Variants in SKIC3 observed in about 807,000 individuals in gnomAD.
SKIC3 encodes superkiller complex protein 3.
At chr5:95,464,919 G>C in the SKIC3 span, among the ~76,000 whole-genome samples, 1 of 127,672 alleles carries the variant, frequency 7.8e-6, no homozygotes, top group South Asian at 2.6e-4. Flanking sequence ...CCAACATTCT[G>C]ATTGCTTTTT....
At chr5:95,516,147 T>C in the SKIC3 span, among the ~76,000 whole-genome samples, 1 of 152,134 alleles carries the variant, frequency 6.6e-6, no homozygotes, top group East Asian at 1.9e-4. Context: ...CAGAAGTTTC[T>C]TGAAGGTCAT....
the SKIC3 span, among the ~76,000 whole-genome samples, chr5:95,515,685 C>T: frequency 6.6e-6 from 1 of 152,002 alleles, no homozygotes; most frequent in Non-Finnish European, 1.5e-5. Context: ...TTACAATTTT[C>T]TAAATCCAGT....
At chr5:95,469,793 T>G in the SKIC3 span, 12 of 1,614,014 alleles carry the variant, frequency 7.4e-6, no homozygotes, top group Non-Finnish European at 9.3e-6. Flanking sequence ...GCCCCCATTT[T>G]GCGTTTGAAT....
the SKIC3 span, chr5:95,469,644 G>T: frequency 8.3e-7 from 1 of 1,206,682 alleles, no homozygotes; most frequent in African/African-American, 1.5e-5. Flanking sequence ...AGTAGATACA[G>T]ATATATAAAT....
the SKIC3 span, among the ~76,000 whole-genome samples, chr5:95,475,838 A>T: frequency 6.6e-6 from 1 of 152,210 alleles, no homozygotes; most frequent in East Asian, 1.9e-4. Context: ...TAGCTAGTGC[A>T]TAAGAGTAAC....
chr5:95,538,867 G>C, the SKIC3 span, among the ~76,000 whole-genome samples: 1 of 152,130 alleles, frequency 6.6e-6, no homozygotes, highest in African/African-American at 2.4e-5. Flanking sequence ...AGTACTCTTA[G>C]TTCAGAAGTG....
the SKIC3 span, among the ~76,000 whole-genome samples, chr5:95,471,569 C>T: frequency 6.6e-6 from 1 of 151,716 alleles, no homozygotes; most frequent in South Asian, 2.1e-4. Flanking sequence ...TCAGTCTTTG[C>T]TGAAAAGTAA....
the SKIC3 span, chr5:95,520,754 G>A: frequency 1.3e-4 from 209 of 1,611,578 alleles, no homozygotes; most frequent in Middle Eastern, 1.0e-3. Flanking sequence ...TGTAGTCTAC[G>A]GCTTTTCCAT....
chr5:95,552,334 C>T, the SKIC3 span, among the ~76,000 whole-genome samples: 3 of 152,160 alleles, frequency 2.0e-5, no homozygotes, highest in Admixed American at 1.3e-4. Context: ...TACTCAACTG[C>T]AACTTAACAA....
chr5:95,481,504 A>G, the SKIC3 span, among the ~76,000 whole-genome samples: 1 of 152,154 alleles, frequency 6.6e-6, no homozygotes, highest in African/African-American at 2.4e-5. Context: ...GTGTGAAAAT[A>G]GACTAATACA....
At chr5:95,494,910 T>G in the SKIC3 span, 1 of 1,597,166 alleles carries the variant, frequency 6.3e-7, no homozygotes, top group Non-Finnish European at 8.6e-7. Context: ...TATTATTCCT[T>G]CATCAATATT....
chr5:95,473,204 A>C, the SKIC3 span, among the ~76,000 whole-genome samples: 1 of 152,184 alleles, frequency 6.6e-6, no homozygotes, highest in African/African-American at 2.4e-5. Context: ...GAACTAATTT[A>C]CATCTCCACC....
At chr5:95,533,944 A>C in the SKIC3 span, among the ~76,000 whole-genome samples, 2 of 152,206 alleles carry the variant, frequency 1.3e-5, no homozygotes, top group African/African-American at 4.8e-5. Context: ...AAGAATTTTC[A>C]AAGTATTCAC....
At chr5:95,535,640 GA>G in the SKIC3 span, among the ~76,000 whole-genome samples, 85 of 141,126 alleles carry the variant, frequency 6.0e-4, no homozygotes, top group Non-Finnish European at 4.8e-4. Flanking sequence ...CAGACACCAG[GA>G]AAAAAAAAAA....
chr5:95,515,854 C>A, the SKIC3 span, among the ~76,000 whole-genome samples: 1 of 152,070 alleles, frequency 6.6e-6, no homozygotes. Context: ...CTCCCAGTCA[C>A]TTTAGTTCTA....
At chr5:95,497,279 A>G in the SKIC3 span, 1 of 846,190 alleles carries the variant, frequency 1.2e-6, no homozygotes, top group Admixed American at 2.1e-5. Context: ...TGACTAATGG[A>G]AAATTTAGTT....
chr5:95,529,931 G>C, the SKIC3 span, among the ~76,000 whole-genome samples: 274 of 152,242 alleles, frequency 1.8e-3, no homozygotes, highest in African/African-American at 6.4e-3. Flanking sequence ...GTGATAAGCA[G>C]AGTCAGAGTT....
At chr5:95,536,746 T>G in the SKIC3 span, 1 of 1,288,158 alleles carries the variant, frequency 7.8e-7, no homozygotes, top group East Asian at 2.3e-5. Flanking sequence ...ACTAAAACAT[T>G]TTTTGATTAA....
the SKIC3 span, among the ~76,000 whole-genome samples, chr5:95,529,690 C>T: frequency 6.6e-6 from 1 of 152,112 alleles, no homozygotes; most frequent in Non-Finnish European, 1.5e-5. Context: ...AATGTAGGTT[C>T]TTCCAGAAAC....
Sources: gnomAD v4.1 joint callset for allele counts (sites outside exome capture counted in the v4.1 genomes callset) on GRCh38, gnomAD v4.1.1 for gene constraint, MANE v1.5 for transcripts, NCBI Gene and HGNC (gene_info 2026-07-23, HGNC 2026-07-21) for gene names.